Variants in TEX9 observed in about 807,000 individuals in gnomAD.
The protein encoded by TEX9 is testis expressed 9.
A neutral mutation model predicts 59.6 loss-of-function variants in TEX9; 74 were observed. That is an observed-to-expected ratio of 1.24 (90% CI 1.03 to 1.51). The LOEUF is 1.51. TEX9 is among the 40% of genes most tolerant of loss of function. The probability of loss-of-function intolerance (pLI) is 0.00; values close to 1 mark genes in which losing one functional copy is unlikely to be tolerated. For synonymous variants in TEX9, 186 were observed against 152.2 expected (o/e 1.22, Z -1.64); for missense variants, 522 against 447.8 (o/e 1.17, Z -1.49).
At chr15:56,418,904 A>T (rs554380262) in intron 10 of TEX9, among the ~76,000 whole-genome samples, 1 of 151,908 alleles carries the variant, frequency 6.6e-6, no homozygotes, top group Non-Finnish European at 1.5e-5. Flanking sequence ...ACTGGCTACT[A>T]TAGTTCTTTT....
upstream of TEX9, among the ~76,000 whole-genome samples, chr15:56,361,613 T>C (rs2046790635): frequency 6.6e-6 from 1 of 152,176 alleles, no homozygotes; most frequent in Admixed American, 6.5e-5. Context: ...TCCCCCTCCC[T>C]ACCATATATT....
intron 1 of TEX9, among the ~76,000 whole-genome samples, chr15:56,291,818 G>T (rs1393291268): frequency 6.6e-6 from 1 of 152,158 alleles, no homozygotes; most frequent in Non-Finnish European, 1.5e-5. Flanking sequence ...CTCTCAGAGG[G>T]CTCATGGAGC....
At chr15:56,294,783 A>G (rs1032424628) in intron 1 of TEX9, among the ~76,000 whole-genome samples, 11 of 152,218 alleles carry the variant, frequency 7.2e-5, no homozygotes, top group Non-Finnish European at 1.6e-4. Flanking sequence ...GAATTTGAAT[A>G]TCAGCAGATT....
chr15:56,305,946 T>C (rs2045472352), intron 1 of TEX9, among the ~76,000 whole-genome samples: 2 of 152,040 alleles, frequency 1.3e-5, no homozygotes, highest in South Asian at 4.1e-4. Flanking sequence ...AATAATCTGA[T>C]TTAAAAATGG....
intron 1 of TEX9, chr15:56,323,746 AGAAGGAG>A (rs2045956492): frequency 1.3e-5 from 1 of 77,106 alleles, no homozygotes; most frequent in African/African-American, 4.2e-5. Flanking sequence ...GAGAAGGAGG[AGAAGGAG>A]GAGAAGGAGG....
At chr15:56,269,821 A>AT (rs1220840459) in intron 1 of TEX9, among the ~76,000 whole-genome samples, 8 of 151,084 alleles carry the variant, frequency 5.3e-5, no homozygotes, top group South Asian at 2.1e-4. Flanking sequence ...CACCTGGATA[A>AT]TTTTTTTTGT....
At chr15:56,342,309 T>A (rs1480691731) in intron 1 of TEX9, among the ~76,000 whole-genome samples, 1 of 152,176 alleles carries the variant, frequency 6.6e-6, no homozygotes, top group African/African-American at 2.4e-5. Context: ...AAGCTAAGGC[T>A]CAGAGAGGTT....
intron 12 of TEX9, chr15:56,443,722 A>G: frequency 1.9e-6 from 3 of 1,613,296 alleles, no homozygotes; most frequent in Non-Finnish European, 2.5e-6. Flanking sequence ...GCATGTTAGC[A>G]AACTCTATGA....
chr15:56,352,742 GT>G (rs1368824627), intron 1 of TEX9, among the ~76,000 whole-genome samples: 4 of 152,056 alleles, frequency 2.6e-5, no homozygotes, highest in African/African-American at 9.7e-5. Flanking sequence ...CATATTTGTT[GT>G]CATATCAGAG....
At chr15:56,401,308 C>CAAAAAAAAAAAAAAAAAAAAA (rs1207055803) in intron 9 of TEX9, among the ~76,000 whole-genome samples, 4 of 46,776 alleles carry the variant, frequency 8.6e-5, no homozygotes, top group East Asian at 1.1e-3. Flanking sequence ...AAATTGAAAG[C>CAAAAAAAAAAAAAAAAAAAAA]AAAAAAAAAA....
intron 4 of TEX9, 121 bp downstream of exon 4, chr15:56,384,152 G>A: frequency 1.4e-6 from 1 of 710,866 alleles, no homozygotes; most frequent in Non-Finnish European, 2.3e-6. Context: ...GTATATATAG[G>A]GGGCTTATAC....
intron 1 of TEX9, among the ~76,000 whole-genome samples, chr15:56,292,431 C>T (rs567856561): frequency 6.6e-6 from 1 of 152,206 alleles, no homozygotes; most frequent in African/African-American, 2.4e-5. Flanking sequence ...AGGTGATCCC[C>T]TAGGACATCT....
intron 1 of TEX9, among the ~76,000 whole-genome samples, chr15:56,339,711 A>G (rs1222244634): frequency 2.0e-5 from 3 of 151,972 alleles, no homozygotes. Context: ...CCTACTCCCT[A>G]GTGTGATGGT....
At chr15:56,271,229 T>C (rs1356707111) in intron 1 of TEX9, among the ~76,000 whole-genome samples, 1 of 152,186 alleles carries the variant, frequency 6.6e-6, no homozygotes, top group African/African-American at 2.4e-5. Context: ...CTGAAGAGTA[T>C]TTTCGAGCTT....
exon 12 of TEX9, chr15:56,428,425 T>G (rs769093391): frequency 6.2e-7 from 1 of 1,611,926 alleles, no homozygotes; most frequent in East Asian, 2.2e-5. Context: ...ATGAAAGCAC[T>G]TGAATGGGGA....
chr15:56,299,932 A>T (rs1239872553), intron 1 of TEX9, among the ~76,000 whole-genome samples: 1 of 151,886 alleles, frequency 6.6e-6, no homozygotes, highest in Non-Finnish European at 1.5e-5. Context: ...GAGACACAAT[A>T]TCCTGTTGGC....
upstream of TEX9, chr15:56,365,387 G>A: frequency 6.3e-7 from 1 of 1,578,136 alleles, no homozygotes; most frequent in South Asian, 1.2e-5. Context: ...GAGGCAACCG[G>A]GATGTGGAAA....
intron 9 of TEX9, among the ~76,000 whole-genome samples, chr15:56,401,537 A>T (rs12442497): frequency 0.14 from 21,241 of 152,060 alleles, 2,010 homozygotes; most frequent in East Asian, 0.37. Flanking sequence ...ACCACACAAT[A>T]ATAATGGGAG....
At chr15:56,405,630 A>G (rs1766779802) in intron 9 of TEX9, among the ~76,000 whole-genome samples, 1 of 152,130 alleles carries the variant, frequency 6.6e-6, no homozygotes, top group African/African-American at 2.4e-5. Flanking sequence ...TTGCATCCCT[A>G]TCTACCCTGC....
Sources: allele counts gnomAD v4.1 joint callset (sites outside exome capture counted in the v4.1 genomes callset), GRCh38; gene constraint gnomAD v4.1.1; transcripts MANE v1.5; gene names NCBI Gene and HGNC (gene_info 2026-07-23, HGNC 2026-07-21).